The following ZNF674 variants were observed in gnomAD, a reference collection of about 807,000 sequenced individuals.
The protein encoded by ZNF674 is zinc finger protein 674, also known as zinc finger family member 674.
In ZNF674, 2 loss-of-function variants were observed where a neutral mutation model predicts 7.0. That is an observed-to-expected ratio of 0.29 (90% confidence interval 0.12 to 0.90). The LOEUF is 0.90. ZNF674 is among the 40% of genes least tolerant of loss of function. The pLI, the probability that ZNF674 is intolerant of heterozygous loss-of-function variation, is 0.57. For missense variants in ZNF674, 297 were observed against 415.5 expected, an observed-to-expected ratio of 0.71 and a Z score of 2.48; for synonymous variants, 103 against 145.2, an observed-to-expected ratio of 0.71 and a Z score of 2.09.
intron 5 of ZNF674, among the ~76,000 whole-genome samples, chrX:46,506,729 T>G (rs752052558): frequency 6.3e-4 from 70 of 111,618 alleles, no homozygotes; most frequent in Admixed American, 2.9e-4. Flanking sequence ...TCTCAAAACT[T>G]CATCTCCCAT....
intron 5 of ZNF674, among the ~76,000 whole-genome samples, chrX:46,507,063 C>A (rs1941553900): frequency 9.0e-6 from 1 of 111,685 alleles, no homozygotes; most frequent in African/African-American, 3.3e-5. Context: ...AGAAACAAAA[C>A]AAGCCAGGAG....
intron 5 of ZNF674, among the ~76,000 whole-genome samples, chrX:46,519,641 AC>A (rs1941871388): frequency 9.0e-6 from 1 of 111,037 alleles, no homozygotes; most frequent in Non-Finnish European, 1.9e-5. Context: ...AAAAATAAAT[AC>A]ATACATACAT....
intron 2 of ZNF674, 23 bp from the exon 3 acceptor site, chrX:46,542,139 G>A: frequency 1.0e-6 from 1 of 974,283 alleles, no homozygotes; most frequent in Non-Finnish European, 1.5e-6. Context: ...AATTAGAAGG[G>A]TTGAGTTCAG....
rs775403373 is a variant in ZNF674 at position 46,508,229 on chromosome X, C to T, written c.239-6894G>A. Among the ~76,000 whole-genome samples, 215 of 110,905 alleles carry T rather than the reference C, an allele frequency of 1.9e-3. 2 individuals carry two copies. The highest frequency in any genetic ancestry group is 2.3e-3 in the Non-Finnish European group (121 of 52,945). ...AACTGACTCCATAATCAAGTCTTGC[C>T]ATATCCAGATGGTTTTGAAAATGAC... On this transcript the variant is annotated intron_variant, in intron 5 of 5. Transcript: ENST00000683375.
intron 3 of ZNF674, 50 bp downstream of exon 3, chrX:46,542,023 A>G (rs1942302980): frequency 8.8e-7 from 1 of 1,130,102 alleles, no homozygotes. Flanking sequence ...TAGATTCCAA[A>G]CTTTGCCTCA....
Position 46,498,190 on chromosome X carries a change from A to G in ZNF674, c.*1653T>C, listed in dbSNP as rs1185623647. On this transcript the variant is annotated 3_prime_UTR_variant, in exon 6 of 6. Coordinates refer to ENST00000683375, the MANE Select transcript of ZNF674 (RefSeq NM_001190417.2). ...TATTTCACCTGACATACCAATTTTTAATCATCTATCATTGGATATTAAATT... is the reference window on the plus strand; with the variant it reads ...TATTTCACCTGACATACCAATTTTTGATCATCTATCATTGGATATTAAATT... The G allele has an allele frequency of 8.9e-6, 1 of 111,947 alleles. No individual in the cohort carries two copies. The highest frequency in any genetic ancestry group is 3.2e-5 in the African/African-American group (1 of 30,850). 9.2% of individuals were successfully genotyped at this position (111,947 alleles called of 1,213,427 possible).
At position 46,499,930 on chromosome X, in the gene ZNF674, A is replaced by T; in HGVS notation, c.1644T>A (p.Tyr548Ter). 1 of 1,186,274 alleles carries T rather than the reference A, an allele frequency of 8.4e-7. No homozygotes were observed. Among genetic ancestry groups the T allele is most frequent in the Non-Finnish European group, 1.1e-6 (1 of 881,697 alleles). Reference protein sequence around the residue: ...HHRTHTGEKPYECRDCGKAFS... With the variant: ...HHRTHTGEKP ...ATGCTTTCCCACAGTCTCTGCATTCATAAGGTTTCTCTCCTGTATGAGTTC... is the reference window on the plus strand; with the variant it reads ...ATGCTTTCCCACAGTCTCTGCATTCTTAAGGTTTCTCTCCTGTATGAGTTC... The change falls in exon 6 of 6, where the codon TAT becomes TAA. Residue 548 changes from tyrosine to a stop codon, truncating the protein, a stop_gained. Coordinates refer to ENST00000683375, the MANE Select transcript of ZNF674 (RefSeq NM_001190417.2). LOFTEE classifies it low-confidence loss of function (END_TRUNC).
Position 46,499,916 on chromosome X carries a change from C to A in ZNF674, c.1658G>T (p.Cys553Phe). ...TGEKPYECRD[C>F]GKAFSGKSTL... The stretch of plus-strand genomic sequence containing the variant: ...TGACTTCCCACTGAATGCTTTCCCA[C>A]AGTCTCTGCATTCATAAGGTTTCTC... The change falls in exon 6 of 6, where the codon TGT becomes TTT. Residue 553 changes from cysteine to phenylalanine, a missense_variant. Physicochemically the swap from Cys to Phe is radical, Grantham distance 205. Transcript: ENST00000683375. 1 of 1,175,474 alleles carries A rather than the reference C, an allele frequency of 8.5e-7. No individual in the cohort carries two copies. Among genetic ancestry groups the A allele is most frequent in the Non-Finnish European group, 1.1e-6 (1 of 876,505 alleles).
Position 46,500,058 on chromosome X carries a change from T to G in ZNF674, c.1516A>C (p.Thr506Pro). The G allele has an allele frequency of 8.3e-7, 1 of 1,211,151 alleles. No homozygotes were observed. The highest frequency in any genetic ancestry group is 1.7e-5 in the African/African-American group (1 of 57,780). ...TGAATTCTCTGATGTTTGATGAGAGTTGACTTCCTACTGAAGGCTTTTTTA... is the reference window on the plus strand; with the variant it reads ...TGAATTCTCTGATGTTTGATGAGAGGTGACTTCCTACTGAAGGCTTTTTTA... ...DCKKAFSRKS[T>P]LIKHQRIHTG... is the part of the protein sequence containing the mutation. Residue 506 changes from threonine to proline, a missense_variant, in exon 6 of 6, where the codon ACT (threonine) becomes CCT (proline). Coordinates refer to ENST00000683375, the MANE Select transcript of ZNF674 (RefSeq NM_001190417.2).
chrX:46,541,152 G>C (rs777606199), intron 3 of ZNF674, among the ~76,000 whole-genome samples: 12 of 104,665 alleles, frequency 1.1e-4, no homozygotes, highest in African/African-American at 4.2e-4. Flanking sequence ...ACCTGAGGTC[G>C]GGAGTTCGAG....
chrX:46,537,308 T>C (rs1490088199), intron 3 of ZNF674, among the ~76,000 whole-genome samples: 3 of 109,775 alleles, frequency 2.7e-5, no homozygotes, highest in Admixed American at 2.0e-4. Flanking sequence ...TGGGATACTT[T>C]TGTCTAAATG....
intron 3 of ZNF674, among the ~76,000 whole-genome samples, chrX:46,538,286 A>G (rs1298087256): frequency 3.6e-5 from 4 of 111,506 alleles, no homozygotes; most frequent in Non-Finnish European, 7.5e-5. Flanking sequence ...CACATAACTG[A>G]AATACCATTT....
intron 3 of ZNF674, 141 bp from the exon 4 acceptor site, chrX:46,529,050 T>G: frequency 9.5e-7 from 1 of 1,052,872 alleles, no homozygotes; most frequent in Non-Finnish European, 1.3e-6. Flanking sequence ...GCCGCCACCC[T>G]AGAAGGAACT....
chrX:46,508,455 A>G (rs1048413512), intron 5 of ZNF674, among the ~76,000 whole-genome samples: 2 of 112,380 alleles, frequency 1.8e-5, no homozygotes, highest in Non-Finnish European at 3.8e-5. Flanking sequence ...AGTAAAATCA[A>G]TTCTAAATTA....
At chrX:46,527,373 G>T (rs891311086) in intron 5 of ZNF674, among the ~76,000 whole-genome samples, 3 of 110,994 alleles carry the variant, frequency 2.7e-5, no homozygotes, top group Admixed American at 9.7e-5. Context: ...GCAAATAAGG[G>T]CTCAACAATA....
Position 46,501,253 on chromosome X carries a change from C to T in ZNF674, c.321G>A (p.Lys107=). The T allele has an allele frequency of 1.7e-6, 2 of 1,211,032 alleles. No homozygotes were observed. Among genetic ancestry groups the T allele is most frequent in the Non-Finnish European group, 2.2e-6 (2 of 894,950 alleles). Residue 107 remains lysine, a synonymous_variant, in exon 6 of 6, where the codon AAG becomes AAA. Coordinates refer to ENST00000683375, the MANE Select transcript of ZNF674 (RefSeq NM_001190417.2). Reference sequence around the variant, plus strand: ...GACCACTTTCATCCTTCAGTGTTTCCTTGCCTATGAATGCAGCTTGCCACA... The same window carrying T: ...GACCACTTTCATCCTTCAGTGTTTCTTTGCCTATGAATGCAGCTTGCCACA... ...KFLWQAAFIG[K]ETLKDESGQE...
rs1360253631 is a variant in ZNF674 at position 46,521,627 on chromosome X, T to C, written c.238+6723A>G. Among the ~76,000 whole-genome samples the C allele has an allele frequency of 3.9e-5, 4 of 101,751 alleles. No individual in the cohort carries two copies. The East Asian group carries it at 1.3e-3, about 32-fold the overall frequency. The allele number at this position is 101,751 out of a possible 115,157, so 88.4% of individuals were successfully genotyped here. A position where few individuals can be genotyped will look rare whatever the true frequency, so the allele number is the denominator to read the frequency against. ...CAGTGGTTCACACCTGTCATCCCAG[T>C]ACTTTGGGAGGCCAAGGCGGGGGAG... On this transcript the variant is annotated intron_variant, in intron 5 of 5. Transcript: ENST00000683375.
At chrX:46,541,275 C>T (rs745856525) in intron 3 of ZNF674, among the ~76,000 whole-genome samples, 2 of 106,360 alleles carry the variant, frequency 1.9e-5, no homozygotes, top group South Asian at 4.3e-4. Flanking sequence ...GCAGGAAAAT[C>T]GCTTGAACCT....
intron 3 of ZNF674, among the ~76,000 whole-genome samples, chrX:46,531,986 G>C (rs1406386138): frequency 4.5e-5 from 5 of 111,406 alleles, no homozygotes; most frequent in Non-Finnish European, 9.4e-5. Flanking sequence ...CCAACATGAT[G>C]AAACTCCGTC....
Sources: allele counts gnomAD v4.1 joint callset (sites outside exome capture counted in the v4.1 genomes callset), GRCh38; gene constraint gnomAD v4.1.1; transcripts MANE v1.5; gene names NCBI Gene and HGNC (gene_info 2026-07-23, HGNC 2026-07-21).